COL25A1: variants seen among roughly 807,000 people sequenced by gnomAD.
COL25A1 encodes the protein collagen alpha-1(XXV) chain.
In COL25A1, 103 loss-of-function variants were observed where a neutral mutation model predicts 128.4. That is an observed-to-expected ratio of 0.80 (90% CI 0.68 to 0.94). COL25A1 has a LOEUF of 0.94. Among genes scored for constraint, COL25A1 ranks in the 40% least tolerant of loss-of-function variants. The pLI is 0.00. For synonymous variants in COL25A1, 279 were observed against 277.2 expected, an observed-to-expected ratio of 1.01 and a Z score of -0.06; for missense variants, 745 against 840.0, an observed-to-expected ratio of 0.89 and a Z score of 1.40.
intron 5 of COL25A1, among the ~76,000 whole-genome samples, chr4:109,017,228 C>T (rs1473912829): frequency 1.3e-5 from 2 of 152,252 alleles, no homozygotes; most frequent in African/African-American, 2.4e-5. Context: ...CCCACTGCAG[C>T]AGTCAGTGTA....
At chr4:108,951,731 A>G (rs557115787) in intron 8 of COL25A1, among the ~76,000 whole-genome samples, 26 of 152,252 alleles carry the variant, frequency 1.7e-4, no homozygotes, top group African/African-American at 6.0e-4. Context: ...TTTGCAGGAA[A>G]CTTATGTGAT....
chr4:109,266,634 T>G (rs1781816720), intron 3 of COL25A1, among the ~76,000 whole-genome samples: 1 of 151,970 alleles, frequency 6.6e-6, no homozygotes, highest in South Asian at 2.1e-4. Context: ...TTTGTAATGT[T>G]TACATCCATT....
intron 3 of COL25A1, among the ~76,000 whole-genome samples, chr4:109,070,779 T>C (rs1440879995): frequency 6.8e-6 from 1 of 147,748 alleles, no homozygotes; most frequent in African/African-American, 2.5e-5. Context: ...AGTGAGAACA[T>C]GCGGTGTTTG....
chr4:108,995,339 C>T (rs1348344778), intron 6 of COL25A1, among the ~76,000 whole-genome samples: 4 of 151,898 alleles, frequency 2.6e-5, no homozygotes, highest in East Asian at 1.9e-4. Flanking sequence ...CTTCAATAGT[C>T]GATTCAATCA....
intron 6 of COL25A1, among the ~76,000 whole-genome samples, chr4:108,975,863 A>T (rs1037436693): frequency 6.6e-6 from 1 of 151,954 alleles, no homozygotes; most frequent in East Asian, 1.9e-4. Context: ...TGTCCTGTTG[A>T]TTTGCTAGAG....
chr4:108,901,035 G>T, intron 14 of COL25A1, 84 bp downstream of exon 14: 1 of 1,101,542 alleles, frequency 9.1e-7, no homozygotes, highest in Non-Finnish European at 1.4e-6. Flanking sequence ...TGGTGAGATT[G>T]TTAAAAATTG....
intron 13 of COL25A1, among the ~76,000 whole-genome samples, chr4:108,913,573 A>C (rs553755714): frequency 6.6e-5 from 10 of 152,074 alleles, no homozygotes; most frequent in South Asian, 4.1e-4. Flanking sequence ...CTCCTCTTTC[A>C]TGGCATTTGC....
At chr4:108,822,195 C>T (rs1280037205) in intron 35 of COL25A1, among the ~76,000 whole-genome samples, 1 of 151,702 alleles carries the variant, frequency 6.6e-6, no homozygotes, top group Non-Finnish European at 1.5e-5. Context: ...AGGTACCCAC[C>T]ACCACCCCCA....
At chr4:108,971,943 T>C (rs1463128058) in intron 8 of COL25A1, among the ~76,000 whole-genome samples, 1 of 152,220 alleles carries the variant, frequency 6.6e-6, no homozygotes, top group Non-Finnish European at 1.5e-5. Context: ...CAATATATAC[T>C]GCTGAATATA....
intron 3 of COL25A1, among the ~76,000 whole-genome samples, chr4:109,090,803 A>G (rs1490719966): frequency 6.6e-6 from 1 of 152,216 alleles, no homozygotes; most frequent in Non-Finnish European, 1.5e-5. Context: ...CTTGGGAAAC[A>G]GTCTTTTGGA....
chr4:109,246,415 C>G (rs961743293), intron 3 of COL25A1, among the ~76,000 whole-genome samples: 14 of 152,122 alleles, frequency 9.2e-5, no homozygotes, highest in Admixed American at 7.9e-4. Flanking sequence ...CTTGGATAGT[C>G]AAACAGGGTA....
chr4:108,915,458 C>T (rs2125891134), intron 13 of COL25A1, among the ~76,000 whole-genome samples: 1 of 152,332 alleles, frequency 6.6e-6, no homozygotes, highest in African/African-American at 2.4e-5. Context: ...GCCTTAGCCT[C>T]TAAAAATGCT....
At chr4:108,913,496 G>A (rs1744505995) in intron 13 of COL25A1, among the ~76,000 whole-genome samples, 1 of 151,916 alleles carries the variant, frequency 6.6e-6, no homozygotes, top group Non-Finnish European at 1.5e-5. Context: ...GACCTCAGGT[G>A]ATCCACCCAC....
chr4:109,026,054 A>G (rs1758236640), intron 5 of COL25A1, among the ~76,000 whole-genome samples: 1 of 151,160 alleles, frequency 6.6e-6, no homozygotes, highest in South Asian at 2.1e-4. Flanking sequence ...AACTGGATAA[A>G]AGCTATAGCT....
At chr4:109,023,381 GA>G (rs1757943700) in intron 5 of COL25A1, among the ~76,000 whole-genome samples, 1 of 152,216 alleles carries the variant, frequency 6.6e-6, no homozygotes, top group Non-Finnish European at 1.5e-5. Flanking sequence ...GCATTTGGAA[GA>G]AAGTTTTGAA....
intron 3 of COL25A1, among the ~76,000 whole-genome samples, chr4:109,246,297 C>T (rs1056042380): frequency 2.0e-5 from 3 of 152,032 alleles, no homozygotes; most frequent in East Asian, 1.9e-4. Context: ...CAAATCTATA[C>T]AGTAAGCTGG....
At chr4:109,202,127 A>C (rs1176514576) in intron 3 of COL25A1, among the ~76,000 whole-genome samples, 1 of 152,154 alleles carries the variant, frequency 6.6e-6, no homozygotes, top group African/African-American at 2.4e-5. Context: ...CTAAATCTGA[A>C]GTTTATATGA....
At chr4:109,259,274 T>C (rs1781280061) in intron 3 of COL25A1, among the ~76,000 whole-genome samples, 1 of 152,208 alleles carries the variant, frequency 6.6e-6, no homozygotes, top group African/African-American at 2.4e-5. Flanking sequence ...AAAAAATCAA[T>C]GAAGGTTTTT....
intron 3 of COL25A1, among the ~76,000 whole-genome samples, chr4:109,141,847 G>A (rs1211103831): frequency 6.6e-6 from 1 of 151,882 alleles, no homozygotes; most frequent in Non-Finnish European, 1.5e-5. Context: ...TCTGGCTAGT[G>A]GTCTATCTGT....
Sources: allele counts gnomAD v4.1 joint callset (sites outside exome capture counted in the v4.1 genomes callset), GRCh38; gene constraint gnomAD v4.1.1; transcripts MANE v1.5; gene names NCBI Gene and HGNC (gene_info 2026-07-23, HGNC 2026-07-21).